Variants in CACNB4 observed in about 807,000 individuals in gnomAD.
The protein encoded by CACNB4 is voltage-dependent L-type calcium channel subunit beta-4.
A neutral mutation model predicts 71.2 loss-of-function variants in CACNB4; 32 were observed. The ratio of observed to expected loss-of-function variants is 0.45; its 90% CI spans 0.34 to 0.60. CACNB4 has a LOEUF of 0.60. Among genes scored for constraint, CACNB4 ranks in the 20% least tolerant of loss-of-function variants. CACNB4 has a pLI of 0.01. For synonymous variants in CACNB4, 231 were observed against 236.9 expected, an observed-to-expected ratio of 0.97 and a Z score of 0.23; for missense variants, 464 against 647.9, an observed-to-expected ratio of 0.72 and a Z score of 3.08.
intron 10 of CACNB4, chr2:151,856,672 G>T (rs1467502839): frequency 6.6e-6 from 1 of 151,874 alleles, no homozygotes; most frequent in Non-Finnish European, 1.5e-5. Context: ...CTGTAATCTG[G>T]TCCAAAGTAC....
At chr2:151,921,839 T>C (rs1191543598) in intron 2 of CACNB4, among the ~76,000 whole-genome samples, 2 of 152,152 alleles carry the variant, frequency 1.3e-5, no homozygotes, top group African/African-American at 4.8e-5. Context: ...TCTCTCTCTC[T>C]CCTGCTCCAC....
At chr2:151,992,121 C>T (rs903119655) in intron 2 of CACNB4, among the ~76,000 whole-genome samples, 3 of 152,184 alleles carry the variant, frequency 2.0e-5, no homozygotes, top group Non-Finnish European at 4.4e-5. Flanking sequence ...TATTTGGAGA[C>T]AGGCCTGGAT....
intron 2 of CACNB4, among the ~76,000 whole-genome samples, chr2:152,035,085 C>T (rs1013346316): frequency 1.3e-5 from 2 of 152,224 alleles, no homozygotes; most frequent in African/African-American, 4.8e-5. Flanking sequence ...AAATCCCAAA[C>T]CTCCGGGCAG....
rs11904590 is a variant in CACNB4 at position 151,966,588 on chromosome 2, T to C, written c.148-83218A>G. 3.0e-3 allele frequency among the ~76,000 whole-genome samples: 455 copies of C among 152,264 alleles called. 2 individuals are homozygous for C. The highest frequency in any genetic ancestry group is 0.011 in the African/African-American group (444 of 41,550). On this transcript the variant is annotated intron_variant, in intron 2 of 13. Coordinates refer to ENST00000539935, the MANE Select transcript of CACNB4 (RefSeq NM_000726.5). The stretch of plus-strand genomic sequence containing the variant: ...GCCACTGCGCCCAGCCTCCCAGCAT[T>C]ATTTCAATTACACTTTACCACATGC...
At chr2:151,895,161 C>T (rs966422284) in intron 2 of CACNB4, among the ~76,000 whole-genome samples, 3 of 147,546 alleles carry the variant, frequency 2.0e-5, no homozygotes, top group Non-Finnish European at 3.0e-5. Flanking sequence ...CTGAGCAAAA[C>T]GAACAAAGCT....
intron 2 of CACNB4, among the ~76,000 whole-genome samples, chr2:152,082,385 T>G (rs1687405075): frequency 6.6e-6 from 1 of 152,250 alleles, no homozygotes; most frequent in Non-Finnish European, 1.5e-5. Context: ...AAAGGCTTTC[T>G]GCCAAAGCTG....
rs930123338 is a variant in CACNB4 at position 151,973,801 on chromosome 2, G to C, written c.148-90431C>G. The C allele has an allele frequency of 5.8e-6, 9 of 1,548,576 alleles. No individual in the cohort carries two copies. The African/African-American group carries it at 1.2e-4, about 21-fold the overall frequency. ...GCTACAGCTTAAAGAGAAAAGGCCT[G>C]TTTGGGAGAACTGCGCCTGCCTTAT... On this transcript the variant is annotated intron_variant, in intron 2 of 13. Transcript: ENST00000539935.
At chr2:152,006,887 G>A (rs536664176) in intron 2 of CACNB4, among the ~76,000 whole-genome samples, 2 of 152,078 alleles carry the variant, frequency 1.3e-5, no homozygotes, top group South Asian at 2.1e-4. Context: ...CCCCAATCCT[G>A]CCTCTCCTCC....
At chr2:151,986,595 C>T (rs1186971121) in intron 2 of CACNB4, among the ~76,000 whole-genome samples, 1 of 152,146 alleles carries the variant, frequency 6.6e-6, no homozygotes, top group Non-Finnish European at 1.5e-5. Flanking sequence ...ACTCATCAAC[C>T]TCATATAACC....
chr2:152,086,522 T>C (rs532805577), intron 2 of CACNB4, among the ~76,000 whole-genome samples: 9 of 152,204 alleles, frequency 5.9e-5, no homozygotes, highest in Non-Finnish European at 1.3e-4. Flanking sequence ...TTAAATATTG[T>C]ATTTAGCTTG....
intron 2 of CACNB4, among the ~76,000 whole-genome samples, chr2:152,095,713 G>T (rs1213247696): frequency 1.3e-5 from 2 of 152,128 alleles, no homozygotes; most frequent in Non-Finnish European, 2.9e-5. Context: ...ATGCTGTGGA[G>T]CAATACTGGC....
chr2:152,042,135 T>C (rs1399158334), intron 2 of CACNB4, among the ~76,000 whole-genome samples: 2 of 152,212 alleles, frequency 1.3e-5, no homozygotes, highest in African/African-American at 4.8e-5. Context: ...TAAATGACTC[T>C]GTAAGGGACT....
At chr2:152,021,147 C>A (rs1272372670) in intron 2 of CACNB4, among the ~76,000 whole-genome samples, 1 of 151,836 alleles carries the variant, frequency 6.6e-6, no homozygotes, top group Non-Finnish European at 1.5e-5. Context: ...TTCTGGAGGC[C>A]GAGGCAGGGG....
rs1290601047 is a variant in CACNB4, at chr2:151,903,963, A to G, written c.148-20593T>C. Among the ~76,000 whole-genome samples the G allele has an allele frequency of 2.0e-5, 3 of 152,192 alleles. 1 individual carries two copies. The highest frequency in any genetic ancestry group is 6.3e-3 in the Middle Eastern group (2 of 316). On this transcript the variant is annotated intron_variant, in intron 2 of 13. Coordinates refer to ENST00000539935, the MANE Select transcript of CACNB4 (RefSeq NM_000726.5). ...GGGCTTGGCATATAGTAGGTGTATA[A>G]TAAGTATGTATAGGAAAGAAGGGAG...
chr2:151,900,155 G>A (rs1022009068), intron 2 of CACNB4, among the ~76,000 whole-genome samples: 3 of 152,212 alleles, frequency 2.0e-5, no homozygotes, highest in Non-Finnish European at 4.4e-5. Flanking sequence ...TAGTCAGTAT[G>A]GGGGTAGGAG....
intron 8 of CACNB4, chr2:151,869,799 G>T: frequency 5.5e-6 from 1 of 182,364 alleles, no homozygotes; most frequent in African/African-American, 2.4e-5. Context: ...GCCTGAAAGC[G>T]ATTCATTAAT....
At chr2:151,959,006 T>A (rs1435129896) in intron 2 of CACNB4, among the ~76,000 whole-genome samples, 1 of 152,184 alleles carries the variant, frequency 6.6e-6, no homozygotes, top group Admixed American at 6.5e-5. Flanking sequence ...GTTCCCAGTA[T>A]AGCAGACAGG....
intron 5 of CACNB4, among the ~76,000 whole-genome samples, 155 bp downstream of exon 5, chr2:151,876,271 C>T (rs1286832755): frequency 6.6e-6 from 1 of 152,088 alleles, no homozygotes; most frequent in Non-Finnish European, 1.5e-5. Flanking sequence ...CTTCAGCATG[C>T]ACAGAGGATA....
intron 2 of CACNB4, among the ~76,000 whole-genome samples, chr2:151,982,130 T>C (rs547344573): frequency 3.3e-5 from 5 of 152,300 alleles, no homozygotes; most frequent in East Asian, 1.9e-4. Context: ...GTGGCAGAGA[T>C]GACTAAAAGC....
Sources: allele counts gnomAD v4.1 joint callset (sites outside exome capture counted in the v4.1 genomes callset), GRCh38; gene constraint gnomAD v4.1.1; transcripts MANE v1.5; gene names NCBI Gene and HGNC (gene_info 2026-07-23, HGNC 2026-07-21).